The following LARGE1 variants were observed in gnomAD, a reference collection of about 807,000 sequenced individuals.
LARGE1 encodes the protein LARGE xylosyl- and glucuronyltransferase 1, also known as xylosyl- and glucuronyltransferase LARGE1.
A neutral mutation model predicts 87.6 loss-of-function variants in LARGE1; 43 were observed. The ratio of observed to expected loss-of-function variants is 0.49; its 90% confidence interval spans 0.38 to 0.63. LARGE1 has a LOEUF of 0.63. Ranked by LOEUF, LARGE1 falls within the 30% of genes least tolerant of loss-of-function variation. The pLI, the probability that LARGE1 is intolerant of heterozygous loss-of-function variation, is 0.00. For synonymous variants in LARGE1, 434 were observed against 394.6 expected, an observed-to-expected ratio of 1.10 and a Z score of -1.18; for missense variants, 802 against 1,000.2, an observed-to-expected ratio of 0.80 and a Z score of 2.67.
intron 6 of LARGE1, among the ~76,000 whole-genome samples, chr22:33,469,833 C>CA (rs1555926338): frequency 7.1e-6 from 1 of 140,204 alleles, no homozygotes; most frequent in Non-Finnish European, 1.5e-5. Flanking sequence ...ATCTTAAAAA[C>CA]AAAAAACAAA....
At chr22:33,378,571 A>G (rs2065059200) in intron 9 of LARGE1, among the ~76,000 whole-genome samples, 1 of 152,210 alleles carries the variant, frequency 6.6e-6, no homozygotes, top group Non-Finnish European at 1.5e-5. Context: ...CGCTTGTTTG[A>G]ACAATAAATT....
At position 33,862,435 on chromosome 22, in the gene LARGE1, G is replaced by A. The variant is rs573711297; in HGVS notation, c.-83+57560C>T. Among the ~76,000 whole-genome samples, 59 of 152,332 alleles carry A rather than the reference G, an allele frequency of 3.9e-4. 1 individual carries two copies. In the South Asian group the frequency reaches 4.6e-3, roughly 12 times the overall value. ...ATCTTCTCAGGGAAGAGGATTGACG[G>A]CAGTCGCTGAGCAAAGAGGCTCCTG... On this transcript the variant is annotated intron_variant, in intron 1 of 14. Transcript: ENST00000397394.
chr22:33,565,066 T>G lies in LARGE1; in HGVS notation c.616-47A>C, dbSNP rs767620015. 3 of 1,547,162 alleles carry G rather than the reference T, an allele frequency of 1.9e-6. No homozygotes were observed. The South Asian group carries it at 3.3e-5, about 17-fold the overall frequency. On this transcript the variant is annotated intron_variant, in intron 5 of 14. Coordinates refer to ENST00000397394, the MANE Select transcript of LARGE1 (RefSeq NM_133642.5). Reference sequence around the variant, plus strand: ...GAGAGTTGGAGAAAGGGAAAAAAAATTGCTATATTAATTCTTTGCTTAAAC... The same window carrying G: ...GAGAGTTGGAGAAAGGGAAAAAAAAGTGCTATATTAATTCTTTGCTTAAAC...
intron 1 of LARGE1, among the ~76,000 whole-genome samples, chr22:33,816,662 G>A (rs2086655392): frequency 9.0e-6 from 1 of 110,926 alleles, no homozygotes; most frequent in Admixed American, 9.7e-5. Context: ...ACAGACGGAT[G>A]CACGGATGGA....
intron 5 of LARGE1, among the ~76,000 whole-genome samples, chr22:33,565,785 T>C (rs145378996): frequency 4.1e-4 from 63 of 152,212 alleles, no homozygotes; most frequent in African/African-American, 1.4e-3. Context: ...TCACATAACA[T>C]AATGGAACAA....
intron 3 of LARGE1, among the ~76,000 whole-genome samples, chr22:33,634,817 G>T (rs1461318228): frequency 1.3e-5 from 2 of 150,638 alleles, no homozygotes; most frequent in East Asian, 4.0e-4. Flanking sequence ...CAAGAAGGAT[G>T]TGTGTTTGGA....
At chr22:33,859,291 C>T (rs1417665888) in intron 1 of LARGE1, among the ~76,000 whole-genome samples, 3 of 152,106 alleles carry the variant, frequency 2.0e-5, no homozygotes, top group East Asian at 1.9e-4. Context: ...AATTTCAGAA[C>T]GACATCTCAT....
At chr22:33,146,043 C>T in the LARGE1 span, among the ~76,000 whole-genome samples, 1 of 152,124 alleles carries the variant, frequency 6.6e-6, no homozygotes, top group Non-Finnish European at 1.5e-5. Context: ...GCACTTTTTC[C>T]CACGTCTCTA....
intron 11 of LARGE1, among the ~76,000 whole-genome samples, chr22:33,178,619 G>T (rs1923003411): frequency 6.6e-6 from 1 of 152,154 alleles, no homozygotes; most frequent in South Asian, 2.1e-4. Flanking sequence ...TTAACTGGGG[G>T]AGAAGCAGTA....
chr22:33,226,992 T>C (rs1925773830), intron 11 of LARGE1, among the ~76,000 whole-genome samples: 1 of 152,214 alleles, frequency 6.6e-6, no homozygotes, highest in African/African-American at 2.4e-5. Flanking sequence ...AAGTAGAGGT[T>C]TTAAATAAGT....
At chr22:33,676,603 T>G (rs7284330) in intron 2 of LARGE1, among the ~76,000 whole-genome samples, 1 of 148,800 alleles carries the variant, frequency 6.7e-6, no homozygotes, top group African/African-American at 2.5e-5. Flanking sequence ...AAAAAAAAAA[T>G]AAGAAAATCA....
At chr22:33,215,848 C>G (rs1437892712) in intron 11 of LARGE1, among the ~76,000 whole-genome samples, 2 of 152,036 alleles carry the variant, frequency 1.3e-5, no homozygotes, top group African/African-American at 4.8e-5. Context: ...CCCAGCTACT[C>G]AGGAGGCTGA....
At chr22:33,377,507 A>G (rs1471655006) in intron 9 of LARGE1, among the ~76,000 whole-genome samples, 1 of 152,256 alleles carries the variant, frequency 6.6e-6, no homozygotes, top group African/African-American at 2.4e-5. Context: ...CAGAATAAAT[A>G]TAATTTTCTT....
intron 1 of LARGE1, among the ~76,000 whole-genome samples, chr22:33,802,760 A>T (rs1244221874): frequency 6.6e-6 from 1 of 152,184 alleles, no homozygotes; most frequent in Non-Finnish European, 1.5e-5. Flanking sequence ...ATTTATTCCC[A>T]GGTCTATCTC....
chr22:33,330,515 G>A (rs886988165), intron 10 of LARGE1, among the ~76,000 whole-genome samples: 75 of 152,226 alleles, frequency 4.9e-4, no homozygotes, highest in Admixed American at 1.4e-3. Flanking sequence ...GAGGGGCTGG[G>A]TTGTTGAGGA....
At chr22:33,485,154 G>A in intron 6 of LARGE1, among the ~76,000 whole-genome samples, 1 of 151,180 alleles carries the variant, frequency 6.6e-6, no homozygotes, top group Admixed American at 6.6e-5. Context: ...CTCAGGCAAT[G>A]TGCCTGCCTT....
chr22:33,160,738 T>C (rs1447699365), downstream of LARGE1, among the ~76,000 whole-genome samples: 2 of 152,222 alleles, frequency 1.3e-5, no homozygotes, highest in Non-Finnish European at 2.9e-5. Context: ...ACACCCTATG[T>C]TCCAGACATA....
chr22:33,708,959 C>G (rs1056953435), intron 2 of LARGE1, among the ~76,000 whole-genome samples: 1 of 152,156 alleles, frequency 6.6e-6, no homozygotes, highest in African/African-American at 2.4e-5. Context: ...CTGCTAGTGT[C>G]TTCATGGGGT....
At chr22:33,805,659 G>C (rs1300439157) in intron 1 of LARGE1, among the ~76,000 whole-genome samples, 1 of 151,884 alleles carries the variant, frequency 6.6e-6, no homozygotes, top group Non-Finnish European at 1.5e-5. Flanking sequence ...CCTTGAACCC[G>C]GGAGGCAGAG....
Sources: gnomAD v4.1 joint callset for allele counts (sites outside exome capture counted in the v4.1 genomes callset) on GRCh38, gnomAD v4.1.1 for gene constraint, MANE v1.5 for transcripts, NCBI Gene and HGNC (gene_info 2026-07-23, HGNC 2026-07-21) for gene names.